Variants in DNAH7 observed in about 807,000 individuals in gnomAD.
DNAH7 encodes the protein dynein axonemal heavy chain 7.
Under a neutral mutation model 444.6 loss-of-function variants are expected in DNAH7, and 397 were observed. That is an observed-to-expected ratio of 0.89 (90% CI 0.82 to 0.97). The LOEUF is 0.97. DNAH7 is among the 50% of genes least tolerant of loss of function. The pLI is 0.00. For synonymous variants in DNAH7, 1,636 were observed against 1,624.4 expected, an observed-to-expected ratio of 1.01 and a Z score of -0.17; for missense variants, 4,902 against 4,800.8, an observed-to-expected ratio of 1.02 and a Z score of -0.62.
intron 6 of DNAH7, 87 bp from the exon 7 acceptor site, chr2:196,027,027 T>G: frequency 9.9e-7 from 1 of 1,005,446 alleles, no homozygotes; most frequent in South Asian, 1.9e-5. Flanking sequence ...AATTCAAGTT[T>G]TAGGAGAACA....
At chr2:195,886,037 C>T in intron 34 of DNAH7, 104 bp downstream of exon 34, 3 of 1,380,708 alleles carry the variant, frequency 2.2e-6, no homozygotes, top group Non-Finnish European at 1.9e-6. Context: ...GTTGACTAGT[C>T]TCCAACTTCA....
At chr2:195,855,262 T>C (rs1243064779) in intron 45 of DNAH7, among the ~76,000 whole-genome samples, 1 of 152,228 alleles carries the variant, frequency 6.6e-6, no homozygotes, top group African/African-American at 2.4e-5. Context: ...AATCAGACTT[T>C]AGCAGTTAAT....
chr2:195,973,400 T>G (rs934902134), intron 15 of DNAH7, among the ~76,000 whole-genome samples: 6 of 152,174 alleles, frequency 3.9e-5, no homozygotes, highest in Non-Finnish European at 5.9e-5. Context: ...TGCACTTTAC[T>G]GTAAATTCCA....
rs151125890 is a variant in DNAH7, at chr2:195,830,354, A to G, written c.9100+3852T>C. ...ATAATGAGAATTAAATGTTCTTTTC[A>G]AATTTCTCTTGCATGTAGGACATTA... On this transcript the variant is annotated intron_variant, in intron 48 of 64. Transcript: ENST00000312428. Among the ~76,000 whole-genome samples, 653 of 152,312 alleles carry G rather than the reference A, an allele frequency of 4.3e-3. 4 individuals are homozygous for G. Among genetic ancestry groups the G allele is most frequent in the African/African-American group, 0.015 (632 of 41,572 alleles).
chr2:195,926,584 T>C lies in DNAH7; in HGVS notation c.3472-18A>G, dbSNP rs762911464. ...CCAGTTACCTAATCAAAAAAGAATA[T>C]GCTAAATATTAACCATTTCCTGAAC... On this transcript the variant is annotated intron_variant, in intron 21 of 64. Coordinates refer to ENST00000312428, the MANE Select transcript of DNAH7 (RefSeq NM_018897.3). 5 of 1,571,966 alleles carry C rather than the reference T, an allele frequency of 3.2e-6. No homozygotes were observed. The Admixed American group carries it at 9.6e-5, about 30-fold the overall frequency.
chr2:195,803,659 T>C (rs1346663821), intron 54 of DNAH7, among the ~76,000 whole-genome samples: 4 of 152,246 alleles, frequency 2.6e-5, no homozygotes, highest in Non-Finnish European at 5.9e-5. Flanking sequence ...GGAAGAAGTC[T>C]GCGGTCTTCT....
intron 47 of DNAH7, among the ~76,000 whole-genome samples, chr2:195,841,308 C>T (rs1327635445): frequency 6.6e-6 from 1 of 151,612 alleles, no homozygotes; most frequent in Non-Finnish European, 1.5e-5. Flanking sequence ...TGCAATTATA[C>T]ACAAACAAAT....
chr2:196,060,433 T>C (rs919241291), intron 1 of DNAH7, among the ~76,000 whole-genome samples: 2 of 152,182 alleles, frequency 1.3e-5, no homozygotes, highest in Non-Finnish European at 2.9e-5. Context: ...TTTCTGCTTA[T>C]CTCTGGTGTT....
chr2:195,838,478 A>G (rs1043758585), intron 47 of DNAH7, among the ~76,000 whole-genome samples: 1 of 152,106 alleles, frequency 6.6e-6, no homozygotes, highest in Non-Finnish European at 1.5e-5. Flanking sequence ...AAAAACAGAA[A>G]GGATAATGAG....
intron 54 of DNAH7, among the ~76,000 whole-genome samples, chr2:195,800,382 G>C (rs1696386254): frequency 1.3e-5 from 2 of 152,048 alleles, no homozygotes; most frequent in Admixed American, 1.3e-4. Context: ...TGTGATAAAA[G>C]GTATACATTT....
intron 64 of DNAH7, among the ~76,000 whole-genome samples, chr2:195,738,483 A>G (rs1000884102): frequency 6.6e-6 from 1 of 152,170 alleles, no homozygotes; most frequent in African/African-American, 2.4e-5. Context: ...GTGCCTTTAT[A>G]TTAATTGAAA....
At chr2:195,744,953 CT>C (rs1157366883) in intron 63 of DNAH7, among the ~76,000 whole-genome samples, 1 of 152,244 alleles carries the variant, frequency 6.6e-6, no homozygotes, top group Non-Finnish European at 1.5e-5. Flanking sequence ...AGCGCCTCTC[CT>C]CCTCCAAAGG....
At chr2:195,930,943 C>T (rs1039042311) in intron 21 of DNAH7, among the ~76,000 whole-genome samples, 3 of 152,074 alleles carry the variant, frequency 2.0e-5, no homozygotes, top group East Asian at 3.9e-4. Flanking sequence ...AAATACCACA[C>T]GTTCCCACTT....
chr2:195,851,775 A>G (rs1699379467), intron 46 of DNAH7, among the ~76,000 whole-genome samples: 1 of 152,168 alleles, frequency 6.6e-6, no homozygotes, highest in Admixed American at 6.5e-5. Flanking sequence ...GCTAGACAGG[A>G]GCCAGTGCAG....
At chr2:195,955,962 A>G (rs1297801304) in intron 19 of DNAH7, among the ~76,000 whole-genome samples, 4 of 152,172 alleles carry the variant, frequency 2.6e-5, no homozygotes, top group Non-Finnish European at 4.4e-5. Flanking sequence ...GGTTCTTTAA[A>G]TATGGAATTA....
intron 19 of DNAH7, among the ~76,000 whole-genome samples, chr2:195,946,679 T>C (rs1689830167): frequency 6.6e-6 from 1 of 152,012 alleles, no homozygotes; most frequent in Non-Finnish European, 1.5e-5. Flanking sequence ...CTCTCTTTCT[T>C]TCTCTCTCTT....
chr2:195,960,720 C>T lies in DNAH7; in HGVS notation c.2431G>A (p.Glu811Lys), dbSNP rs999144430. The T allele has an allele frequency of 1.2e-6, 2 of 1,614,164 alleles. No individual in the cohort carries two copies. Among genetic ancestry groups the T allele is most frequent in the Non-Finnish European group, 1.7e-6 (2 of 1,180,026 alleles). Reference protein sequence around the residue: ...GNYWRGLYKLEKTFHDSPYAL... With the variant: ...GNYWRGLYKLKKTFHDSPYAL... ...TATGGAGAATCATGAAAGGTTTTCT[C>T]CAGTTTATATAATCCTCTCCAGTAA... Residue 811 changes from glutamate to lysine, a missense_variant, in exon 18 of 65, where the codon GAG becomes AAG. Transcript: ENST00000312428.
At chr2:195,848,111 C>T (rs1418828341) in intron 46 of DNAH7, among the ~76,000 whole-genome samples, 2 of 152,200 alleles carry the variant, frequency 1.3e-5, no homozygotes, top group Non-Finnish European at 2.9e-5. Flanking sequence ...GATGAGGGTG[C>T]TGGGTGCTCA....
At chr2:196,050,510 A>T (rs1697398648) in intron 3 of DNAH7, among the ~76,000 whole-genome samples, 1 of 152,230 alleles carries the variant, frequency 6.6e-6, no homozygotes, top group Admixed American at 6.5e-5. Flanking sequence ...TGTATATTTT[A>T]TCAATTTTTT....
Sources: allele counts gnomAD v4.1 joint callset (sites outside exome capture counted in the v4.1 genomes callset), GRCh38; gene constraint gnomAD v4.1.1; transcripts MANE v1.5; gene names NCBI Gene and HGNC (gene_info 2026-07-23, HGNC 2026-07-21).